NAALADL2: variants seen among roughly 807,000 people sequenced by gnomAD.
The protein encoded by NAALADL2 is inactive N-acetylated-alpha-linked acidic dipeptidase-like protein 2.
Under a neutral mutation model 87.2 loss-of-function variants are expected in NAALADL2, and 76 were observed. The observed-to-expected ratio is 0.87, with a 90% CI of 0.72 to 1.05. The LOEUF (loss-of-function observed/expected upper bound fraction) is 1.05. NAALADL2 is among the 50% of genes least tolerant of loss of function. The probability of loss-of-function intolerance (pLI) is 0.00; values close to 1 mark genes in which losing one functional copy is unlikely to be tolerated. For missense variants in NAALADL2, 1,089 were observed against 945.8 expected (o/e 1.15, Z -1.99); for synonymous variants, 354 against 331.0 (o/e 1.07, Z -0.75).
chr3:174,555,363 GATCT>G (rs1712648630), intron 2 of NAALADL2, among the ~76,000 whole-genome samples: 1 of 151,972 alleles, frequency 6.6e-6, no homozygotes, highest in Non-Finnish European at 1.5e-5. Context: ...GCAATGGCGC[GATCT>G]TGGCCCACTG....
chr3:175,639,318 C>CTTTT (rs756214274), intron 11 of NAALADL2, among the ~76,000 whole-genome samples: 6 of 108,764 alleles, frequency 5.5e-5, no homozygotes, highest in African/African-American at 8.3e-5. Flanking sequence ...AAGCGTTATT[C>CTTTT]TTTTTTTTTT....
At chr3:174,919,852 C>A (rs557082531) in intron 1 of NAALADL2, among the ~76,000 whole-genome samples, 1 of 152,266 alleles carries the variant, frequency 6.6e-6, no homozygotes, top group South Asian at 2.1e-4. Context: ...ACTCCTTGAT[C>A]CATATGCTGC....
chr3:174,567,739 G>A (rs967668332), intron 2 of NAALADL2, among the ~76,000 whole-genome samples: 1 of 151,546 alleles, frequency 6.6e-6, no homozygotes, highest in African/African-American at 2.4e-5. Context: ...ATAAGATGAA[G>A]ATAATAGTGT....
chr3:175,042,058 T>C (rs1484164574), intron 1 of NAALADL2, among the ~76,000 whole-genome samples: 2 of 152,146 alleles, frequency 1.3e-5, no homozygotes, highest in African/African-American at 4.8e-5. Context: ...TTTGTTCACT[T>C]TGACCAACTT....
chr3:175,032,378 A>G lies in NAALADL2; in HGVS notation c.44-64412A>G, dbSNP rs140315008. On this transcript the variant is annotated intron_variant, in intron 1 of 13. Coordinates refer to ENST00000454872, the MANE Select transcript of NAALADL2 (RefSeq NM_207015.3). Reference sequence around the variant, plus strand: ...TGATATCCATGCGGTAAGCTCTATTAAGCCTTGAGTAAATTCAGTGATTTC... The same window carrying G: ...TGATATCCATGCGGTAAGCTCTATTGAGCCTTGAGTAAATTCAGTGATTTC... Among the ~76,000 whole-genome samples the G allele has an allele frequency of 7.4e-4, 113 of 152,114 alleles. No individual in the cohort carries two copies. The Middle Eastern group carries it at 0.014, about 18-fold the overall frequency.
chr3:174,913,469 A>G (rs557147742), intron 1 of NAALADL2, among the ~76,000 whole-genome samples: 1 of 152,208 alleles, frequency 6.6e-6, no homozygotes, highest in South Asian at 2.1e-4. Context: ...TGAGTGTCTG[A>G]TTAATGAGTA....
intron 2 of NAALADL2, among the ~76,000 whole-genome samples, chr3:174,720,035 C>T (rs549845849): frequency 1.3e-5 from 2 of 152,226 alleles, no homozygotes; most frequent in East Asian, 3.9e-4. Context: ...CTCTTGACCT[C>T]GTGATTCACA....
At chr3:174,633,666 T>G (rs976699907) in intron 2 of NAALADL2, among the ~76,000 whole-genome samples, 1 of 152,226 alleles carries the variant, frequency 6.6e-6, no homozygotes, top group East Asian at 1.9e-4. Context: ...CAAATTACTT[T>G]GGGATCTGCC....
chr3:174,655,056 C>T (rs1724772175), intron 2 of NAALADL2, among the ~76,000 whole-genome samples: 1 of 152,010 alleles, frequency 6.6e-6, no homozygotes, highest in Non-Finnish European at 1.5e-5. Flanking sequence ...TTATTTTTAA[C>T]CAAACCTTGT....
At chr3:175,408,391 A>G (rs1167860149) in intron 5 of NAALADL2, among the ~76,000 whole-genome samples, 1 of 152,118 alleles carries the variant, frequency 6.6e-6, no homozygotes, top group Non-Finnish European at 1.5e-5. Context: ...TCCCATAAAT[A>G]TATACAATTA....
At chr3:175,479,295 A>G (rs1034844916) in intron 9 of NAALADL2, among the ~76,000 whole-genome samples, 3 of 151,856 alleles carry the variant, frequency 2.0e-5, no homozygotes, top group African/African-American at 7.2e-5. Context: ...TAAATAGTTA[A>G]ACAAACAAAT....
chr3:174,991,009 G>A (rs971020286), intron 1 of NAALADL2, among the ~76,000 whole-genome samples: 1 of 152,048 alleles, frequency 6.6e-6, no homozygotes, highest in African/African-American at 2.4e-5. Context: ...AAGCATTTAT[G>A]TATGCATTAT....
chr3:174,838,109 A>T (rs758721106), intron 3 of NAALADL2, among the ~76,000 whole-genome samples: 5 of 152,086 alleles, frequency 3.3e-5, no homozygotes, highest in Non-Finnish European at 5.9e-5. Flanking sequence ...ATACTAGCTA[A>T]CAGAATCCAA....
At position 175,096,879 on chromosome 3, in the gene NAALADL2, G is replaced by A; in HGVS notation, c.133G>A (p.Ala45Thr). 6.2e-7 allele frequency: 1 copy of A among 1,613,166 alleles called. No homozygotes were observed. Among genetic ancestry groups the A allele is most frequent in the Admixed American group, 1.7e-5 (1 of 59,792 alleles). ...AGACAATGATGACCTTCAAGCCACTGCCCTTGACTTAGAGTGGGACATGGA... is the reference window on the plus strand; with the variant it reads ...AGACAATGATGACCTTCAAGCCACTACCCTTGACTTAGAGTGGGACATGGA... ...YLDNDDLQAT[A>T]LDLEWDMEKE... Residue 45 changes from alanine (A) to threonine (T), a missense_variant, in exon 2 of 14, where the codon GCC (alanine) becomes ACC (threonine). Physicochemically the swap from Ala to Thr is moderately conservative, Grantham distance 58 (BLOSUM62 0). Transcript: ENST00000454872.
At chr3:175,154,695 G>A (rs1006307527) in intron 2 of NAALADL2, among the ~76,000 whole-genome samples, 10 of 152,074 alleles carry the variant, frequency 6.6e-5, no homozygotes, top group East Asian at 1.9e-4. Context: ...ACTTGTCATC[G>A]TGTTTGCTAT....
At position 175,096,943 on chromosome 3, in the gene NAALADL2, T is replaced by C. The variant is rs766683515; in HGVS notation, c.197T>C (p.Leu66Pro). 2 of 1,613,266 alleles carry C rather than the reference T, an allele frequency of 1.2e-6. No homozygotes were observed. Among genetic ancestry groups the C allele is most frequent in the South Asian group, 1.1e-5 (1 of 91,070 alleles). The change falls in exon 2 of 14, where the codon CTA becomes CCA. Residue 66 changes from leucine (L) to proline (P), a missense_variant. Physicochemically the swap from Leu to Pro is moderately conservative, Grantham distance 98. Coordinates refer to ENST00000454872, the MANE Select transcript of NAALADL2 (RefSeq NM_207015.3). ...LEESGFDQFQ[L>P]DGAENQNLGH... ...GAGTCTGGTTTTGACCAATTCCAGCTAGACGGTGCTGAGAATCAGAACCTA... is the reference window on the plus strand; with the variant it reads ...GAGTCTGGTTTTGACCAATTCCAGCCAGACGGTGCTGAGAATCAGAACCTA...
chr3:175,793,692 C>T (rs970302307), intron 13 of NAALADL2, among the ~76,000 whole-genome samples: 3 of 151,974 alleles, frequency 2.0e-5, no homozygotes, highest in Non-Finnish European at 2.9e-5. Flanking sequence ...ATTAAATAAC[C>T]TCATACCATA....
chr3:174,555,196 C>T (rs962046353), intron 2 of NAALADL2, among the ~76,000 whole-genome samples: 16 of 152,090 alleles, frequency 1.1e-4, no homozygotes, highest in African/African-American at 3.4e-4. Flanking sequence ...ATGGCTGATA[C>T]CTCTATAAGG....
rs569658525 is a variant in NAALADL2 at position 174,947,186 on chromosome 3, T to C, written c.43+87736T>C. Among the ~76,000 whole-genome samples, 117 of 152,324 alleles carry C rather than the reference T, an allele frequency of 7.7e-4. 1 individual carries two copies. The highest frequency in any genetic ancestry group is 2.6e-3 in the African/African-American group (109 of 41,584). On this transcript the variant is annotated intron_variant, in intron 1 of 13. Coordinates refer to ENST00000454872, the MANE Select transcript of NAALADL2 (RefSeq NM_207015.3). ...ACATGATACTGATTTTTCTATATTA[T>C]AGTTATTCTGGTCAGGTTGTAGGTT... is the stretch of plus-strand genomic sequence containing the variant.
Sources: gnomAD v4.1 joint callset for allele counts (sites outside exome capture counted in the v4.1 genomes callset) on GRCh38, gnomAD v4.1.1 for gene constraint, MANE v1.5 for transcripts, NCBI Gene and HGNC (gene_info 2026-07-23, HGNC 2026-07-21) for gene names.